Variants in LPP observed in about 807,000 individuals in gnomAD.
LPP encodes LIM domain containing preferred translocation partner in lipoma.
A neutral mutation model predicts 60.4 loss-of-function variants in LPP; 38 were observed. The ratio of observed to expected loss-of-function variants is 0.63; its 90% CI spans 0.49 to 0.83. The LOEUF is 0.83. LPP is among the 40% of genes least tolerant of loss of function. The pLI is 0.00. For synonymous variants in LPP, 328 were observed against 290.8 expected (o/e 1.13, Z -1.30); for missense variants, 902 against 783.6 (o/e 1.15, Z -1.80).
At chr3:188,180,267 C>T (rs1470163070) in intron 1 of LPP, 2 of 154,766 alleles carry the variant, frequency 1.3e-5, no homozygotes, top group Non-Finnish European at 2.9e-5. Context: ...CTCACCGTGC[C>T]CACCTTGCCC....
intron 6 of LPP, among the ~76,000 whole-genome samples, chr3:188,564,797 G>A (rs552223133): frequency 6.6e-6 from 1 of 152,032 alleles, no homozygotes; most frequent in East Asian, 1.9e-4. Flanking sequence ...AACATCCAGT[G>A]TTTCCTTGTC....
chr3:188,579,068 T>G (rs1835435772), intron 6 of LPP, among the ~76,000 whole-genome samples: 1 of 152,102 alleles, frequency 6.6e-6, no homozygotes, highest in Non-Finnish European at 1.5e-5. Context: ...AAAATAAACT[T>G]ATGATAATTC....
intron 2 of LPP, among the ~76,000 whole-genome samples, chr3:188,254,134 A>T (rs1422241651): frequency 5.3e-5 from 8 of 152,210 alleles, no homozygotes; most frequent in Admixed American, 3.9e-4. Flanking sequence ...ACATTAAACT[A>T]AAACAAGGTC....
intron 1 of LPP, among the ~76,000 whole-genome samples, chr3:188,164,713 C>G (rs1248121786): frequency 1.3e-5 from 2 of 152,282 alleles, no homozygotes; most frequent in East Asian, 1.9e-4. Context: ...CTGGAAGTCT[C>G]TCTTCTTGGT....
intron 4 of LPP, among the ~76,000 whole-genome samples, chr3:188,411,981 C>CTT (rs1785012146): frequency 6.7e-6 from 1 of 148,494 alleles, no homozygotes; most frequent in Non-Finnish European, 1.5e-5. Context: ...CTGTCTCTCT[C>CTT]TCTCTCTCTC....
chr3:188,181,112 T>C (rs1178297121), intron 1 of LPP, among the ~76,000 whole-genome samples: 1 of 152,042 alleles, frequency 6.6e-6, no homozygotes, highest in African/African-American at 2.4e-5. Context: ...CTCAGCACTT[T>C]TGGAGGCCGA....
intron 8 of LPP, chr3:188,709,350 A>T (rs1014659307): frequency 1.3e-5 from 2 of 151,926 alleles, no homozygotes; most frequent in Non-Finnish European, 2.9e-5. Context: ...TTTTATTTTT[A>T]TTTTATTTTA....
chr3:188,195,630 C>G (rs1403331826), intron 1 of LPP, among the ~76,000 whole-genome samples: 1 of 152,056 alleles, frequency 6.6e-6, no homozygotes, highest in African/African-American at 2.4e-5. Context: ...CTGAGATGTG[C>G]CGTTAAGTAT....
chr3:188,594,010 A>G (rs1560609458), intron 6 of LPP, among the ~76,000 whole-genome samples: 1 of 152,130 alleles, frequency 6.6e-6, no homozygotes, highest in African/African-American at 2.4e-5. Flanking sequence ...TGATGTTTTG[A>G]TACTCTTCTA....
chr3:188,179,338 G>A (rs759503080), intron 1 of LPP: 10 of 458,018 alleles, frequency 2.2e-5, no homozygotes, highest in Non-Finnish European at 3.5e-5. Flanking sequence ...ACAGCTCTGC[G>A]GCCTCCTCCT....
chr3:188,598,849 A>C (rs914421989), intron 6 of LPP, among the ~76,000 whole-genome samples: 1 of 152,184 alleles, frequency 6.6e-6, no homozygotes, highest in African/African-American at 2.4e-5. Context: ...CCAGTCATAT[A>C]AAAACGCACC....
chr3:188,736,004 T>C (rs1433295793), intron 8 of LPP, among the ~76,000 whole-genome samples: 1 of 152,234 alleles, frequency 6.6e-6, no homozygotes, highest in Non-Finnish European at 1.5e-5. Context: ...AAGTTTAAAC[T>C]ATTTTAAAAA....
At chr3:188,626,715 T>A (rs1184474568) in intron 7 of LPP, among the ~76,000 whole-genome samples, 1 of 152,150 alleles carries the variant, frequency 6.6e-6, no homozygotes, top group Non-Finnish European at 1.5e-5. Flanking sequence ...AGTGCTCTCA[T>A]TTTAACTTAA....
intron 9 of LPP, among the ~76,000 whole-genome samples, chr3:188,844,723 T>C (rs1760999014): frequency 6.6e-6 from 1 of 152,234 alleles, no homozygotes; most frequent in Admixed American, 6.5e-5. Context: ...GGAAGGAGCG[T>C]AGACCTACAG....
At chr3:188,691,702 G>C (rs912828425) in intron 7 of LPP, among the ~76,000 whole-genome samples, 1 of 152,212 alleles carries the variant, frequency 6.6e-6, no homozygotes, top group Non-Finnish European at 1.5e-5. Context: ...GTTTATGATA[G>C]AGAGGAACAT....
At chr3:188,704,423 GAAAGGTT>G (rs1466963850) in intron 7 of LPP, among the ~76,000 whole-genome samples, 1 of 152,194 alleles carries the variant, frequency 6.6e-6, no homozygotes, top group African/African-American at 2.4e-5. Flanking sequence ...CTGAAGTTAT[GAAAGGTT>G]GACAAGCTCA....
intron 6 of LPP, chr3:188,568,893 G>T (rs900910828): frequency 1.3e-5 from 2 of 152,094 alleles, no homozygotes; most frequent in African/African-American, 2.4e-5. Context: ...GGCCTGAAGG[G>T]TGGAGAGGGG....
intron 2 of LPP, among the ~76,000 whole-genome samples, chr3:188,227,423 C>A (rs1047372894): frequency 8.1e-5 from 12 of 147,582 alleles, no homozygotes; most frequent in African/African-American, 2.8e-4. Flanking sequence ...CACCTATGAG[C>A]AGACTGGAAG....
At chr3:188,252,176 TATATATATA>T (rs1389768593) in intron 2 of LPP, among the ~76,000 whole-genome samples, 7 of 16,388 alleles carry the variant, frequency 4.3e-4, no homozygotes, top group Middle Eastern at 0.071. Flanking sequence ...CAAACATATA[TATATATATA>T]TATATATATA....
Sources: allele counts gnomAD v4.1 joint callset (sites outside exome capture counted in the v4.1 genomes callset), GRCh38; gene constraint gnomAD v4.1.1; transcripts MANE v1.5; gene names NCBI Gene and HGNC (gene_info 2026-07-23, HGNC 2026-07-21).